CCDC88A: variants seen among roughly 807,000 people sequenced by gnomAD.
The protein encoded by CCDC88A is coiled-coil and HOOK domain protein 88A, also known as girdin.
A neutral mutation model predicts 234.3 loss-of-function variants in CCDC88A; 54 were observed. That is an observed-to-expected ratio of 0.23 (90% CI 0.19 to 0.29). The LOEUF (loss-of-function observed/expected upper bound fraction) is 0.29. Ranked by LOEUF, CCDC88A falls within the 10% of genes least tolerant of loss-of-function variation. The pLI is 1.00. For missense variants in CCDC88A, 1,832 were observed against 2,123.4 expected, an observed-to-expected ratio of 0.86 and a Z score of 2.70; for synonymous variants, 753 against 737.8, an observed-to-expected ratio of 1.02 and a Z score of -0.33.
In CCDC88A at chr2:55,332,247, T is replaced by C. The variant is rs940657683; in HGVS notation, c.2855+319A>G. On this transcript the variant is annotated intron_variant, in intron 16 of 32. Coordinates refer to ENST00000436346, the MANE Select transcript of CCDC88A (RefSeq NM_001365480.1). This position sits in a 1 kb window ranked among gnomAD's most constrained non-coding sequence, Gnocchi z 4.5. ...AATTCTCCTGCCTCAGCGTCCTGAG[T>C]AGCTGGAATTACAGGCATGCACCAC... The C allele has an allele frequency of 6.3e-6, 1 of 159,268 alleles. No individual in the cohort carries two copies. The highest frequency in any genetic ancestry group is 1.4e-5 in the Non-Finnish European group (1 of 73,350). 9.9% of individuals were successfully genotyped at this position (159,268 alleles called of 1,614,324 possible).
At position 55,296,346 on chromosome 2, in the gene CCDC88A, T is replaced by A; in HGVS notation, c.5003A>T (p.His1668Leu). ...AGGGGAACCAGTTTTGATCTTGTGA[T>A]GTCGACTCTCCAGTGTTTCAGATAT... is the stretch of plus-strand genomic sequence containing the variant. The part of the protein sequence containing the change: ...HKISETLESR[H>L]HKIKTGSPGS... The change falls in exon 30 of 33, where the codon CAT becomes CTT. Residue 1668 changes from histidine to leucine, a missense_variant. Transcript: ENST00000436346. 1.9e-6 allele frequency: 3 copies of A among 1,614,230 alleles called. No homozygotes were observed. The highest frequency in any genetic ancestry group is 2.5e-6 in the Non-Finnish European group (3 of 1,180,028).
chr2:55,357,519 A>C lies in CCDC88A; in HGVS notation c.628-1768T>G, dbSNP rs150788057. ...CCTAATTTTCCTTTTGTTATCTGTA[A>C]ATTCTCTTACTCTAAACCAATTTCT... On this transcript the variant is annotated intron_variant, in intron 7 of 32. Coordinates refer to ENST00000436346, the MANE Select transcript of CCDC88A (RefSeq NM_001365480.1). Among the ~76,000 whole-genome samples the C allele has an allele frequency of 4.4e-3, 664 of 151,868 alleles. 2 individuals are homozygous for C. The highest frequency in any genetic ancestry group is 0.01 in the Middle Eastern group (3 of 294).
intron 3 of CCDC88A, among the ~76,000 whole-genome samples, chr2:55,384,544 TATATGTGTATATATACACATATATAC>T: frequency 1.3e-5 from 1 of 75,958 alleles, no homozygotes; most frequent in African/African-American, 6.3e-5. Flanking sequence ...TATATACGTA[TATATGTGTATATATACACATATATAC>T]GTATATATGT....
chr2:55,323,580 T>C (rs974256527), intron 17 of CCDC88A: 2 of 152,204 alleles, frequency 1.3e-5, no homozygotes, highest in Middle Eastern at 3.2e-3. Context: ...CTAATAACAA[T>C]AGATGAGTGG....
chr2:55,353,057 C>T (rs986008101), intron 8 of CCDC88A, among the ~76,000 whole-genome samples: 1 of 152,128 alleles, frequency 6.6e-6, no homozygotes, highest in Non-Finnish European at 1.5e-5. Flanking sequence ...AAGCTAGTTA[C>T]CGGGAATACT....
chr2:55,375,663 G>A (rs1396393703), intron 3 of CCDC88A, among the ~76,000 whole-genome samples: 1 of 151,260 alleles, frequency 6.6e-6, no homozygotes, highest in Non-Finnish European at 1.5e-5. Flanking sequence ...AGGTAACTGG[G>A]ACTAGAGGCG....
intron 9 of CCDC88A, 76 bp from the exon 10 acceptor site, chr2:55,346,409 T>TTTTA (rs562114439): frequency 2.8e-4 from 221 of 797,260 alleles, no homozygotes; most frequent in African/African-American, 1.2e-3. Context: ...CAATTTGAAA[T>TTTTA]TTTATTTATT....
chr2:55,363,795 T>A, intron 6 of CCDC88A, 155 bp downstream of exon 6: 3 of 508,628 alleles, frequency 5.9e-6, no homozygotes, highest in Admixed American at 3.8e-5. Flanking sequence ...AGAAACTATC[T>A]CTAAAGAGAA....
At chr2:55,320,915 G>A (rs1424874501) in intron 18 of CCDC88A, 1 of 152,172 alleles carries the variant, frequency 6.6e-6, no homozygotes, top group Admixed American at 6.6e-5. Context: ...TTCGAGACCA[G>A]TCTGGGCAAC....
At chr2:55,356,953 A>G (rs1358188174) in intron 7 of CCDC88A, among the ~76,000 whole-genome samples, 1 of 152,100 alleles carries the variant, frequency 6.6e-6, no homozygotes, top group Non-Finnish European at 1.5e-5. Context: ...CACACTAGCC[A>G]CATTTCAAGT....
intron 2 of CCDC88A, among the ~76,000 whole-genome samples, chr2:55,406,887 T>C (rs1679683464): frequency 6.6e-6 from 1 of 152,198 alleles, no homozygotes; most frequent in African/African-American, 2.4e-5. Context: ...AGTTCAACTT[T>C]TTTTCTAGCC....
chr2:55,403,710 G>A (rs1040864524), intron 2 of CCDC88A: 1 of 152,206 alleles, frequency 6.6e-6, no homozygotes, highest in Admixed American at 6.5e-5. Context: ...ACTGTATTAG[G>A]CAAATCAATT....
chr2:55,385,573 C>T (rs1484977432), intron 3 of CCDC88A, among the ~76,000 whole-genome samples: 1 of 152,092 alleles, frequency 6.6e-6, no homozygotes, highest in African/African-American at 2.4e-5. Flanking sequence ...GACAGTCTAG[C>T]CGGGCGCGGT....
chr2:55,407,655 CT>C (rs1168920889), intron 2 of CCDC88A, among the ~76,000 whole-genome samples: 2 of 151,482 alleles, frequency 1.3e-5, no homozygotes, highest in African/African-American at 2.4e-5. Flanking sequence ...AAACAATTAC[CT>C]TTTTTTCCTT....
At chr2:55,362,053 T>A (rs754588652) in intron 7 of CCDC88A, 19 of 289,588 alleles carry the variant, frequency 6.6e-5, no homozygotes, top group Non-Finnish European at 1.2e-4. Context: ...GGGGATGACT[T>A]GAAAAACACA....
chr2:55,339,320 C>T, intron 13 of CCDC88A, 144 bp downstream of exon 13: 1 of 784,672 alleles, frequency 1.3e-6, no homozygotes, highest in Non-Finnish European at 2.0e-6. Context: ...TTCATTCACA[C>T]CATATTTGTG....
intron 8 of CCDC88A, among the ~76,000 whole-genome samples, chr2:55,351,638 G>A (rs940256116): frequency 2.6e-5 from 4 of 152,186 alleles, no homozygotes; most frequent in Non-Finnish European, 5.9e-5. Context: ...AAGCCACCAT[G>A]CCCTGCCTCA....
chr2:55,354,586 CAG>C (rs972833891), intron 8 of CCDC88A, among the ~76,000 whole-genome samples: 59 of 151,430 alleles, frequency 3.9e-4, no homozygotes, highest in African/African-American at 1.4e-3. Flanking sequence ...TTTTTTGAGA[CAG>C]AGTCTCGCTC....
chr2:55,374,905 T>A (rs1574342382), intron 3 of CCDC88A, 22 bp from the exon 4 acceptor site: 12 of 1,464,868 alleles, frequency 8.2e-6, no homozygotes, highest in African/African-American at 1.4e-5. Flanking sequence ...TATCCAACAC[T>A]TGTTATATGG....
Sources: gnomAD v4.1 joint callset for allele counts (sites outside exome capture counted in the v4.1 genomes callset) on GRCh38, gnomAD v4.1.1 for gene constraint, Gnocchi (gnomAD v3.1) non-coding constraint, MANE v1.5 for transcripts, NCBI Gene and HGNC (gene_info 2026-07-23, HGNC 2026-07-21) for gene names.